FOCAD: variants seen among roughly 807,000 people sequenced by gnomAD.
FOCAD encodes KIAA1797.
A neutral mutation model predicts 225.6 loss-of-function variants in FOCAD; 198 were observed. The ratio of observed to expected loss-of-function variants is 0.88; its 90% CI spans 0.78 to 0.99. The LOEUF (loss-of-function observed/expected upper bound fraction) is 0.99, where lower values mean the gene tolerates loss of function less well. Ranked by LOEUF, FOCAD falls within the 50% of genes least tolerant of loss-of-function variation. The pLI is 0.00. For synonymous variants in FOCAD, 897 were observed against 755.0 expected, an observed-to-expected ratio of 1.19 and a Z score of -3.08; for missense variants, 2,713 against 2,123.6, an observed-to-expected ratio of 1.28 and a Z score of -5.46.
At chr9:20,888,173 C>G (rs1319250567) in intron 21 of FOCAD, among the ~76,000 whole-genome samples, 2 of 93,496 alleles carry the variant, frequency 2.1e-5, no homozygotes, top group African/African-American at 8.9e-5. Context: ...GAGTCTTGCT[C>G]TGTTGCCCAG....
chr9:20,940,680 C>T lies in FOCAD; in HGVS notation c.3408-3947C>T, dbSNP rs191840537. Among the ~76,000 whole-genome samples the T allele has an allele frequency of 3.3e-5, 5 of 152,284 alleles. No homozygotes were observed. The East Asian group carries it at 9.7e-4, about 29-fold the overall frequency. On this transcript the variant is annotated intron_variant, in intron 28 of 43. Coordinates refer to ENST00000338382, the MANE Select transcript of FOCAD (RefSeq NM_001375567.1). ...ACATCTGTTTCTCATGGAGTTACAT[C>T]CATGTCACAACCTAAACATGATACT...
chr9:20,879,372 A>C (rs1830486646), intron 19 of FOCAD, among the ~76,000 whole-genome samples: 1 of 152,164 alleles, frequency 6.6e-6, no homozygotes, highest in South Asian at 2.1e-4. Context: ...AGATGTTAGG[A>C]AGTTTAGACT....
intron 4 of FOCAD, among the ~76,000 whole-genome samples, chr9:20,738,577 G>T (rs920741477): frequency 6.6e-6 from 1 of 152,210 alleles, no homozygotes; most frequent in African/African-American, 2.4e-5. Flanking sequence ...TGTCATGAAA[G>T]ATTCATCCAT....
intron 1 of FOCAD, among the ~76,000 whole-genome samples, chr9:20,695,077 G>T (rs1169816484): frequency 6.6e-6 from 1 of 152,160 alleles, no homozygotes; most frequent in African/African-American, 2.4e-5. Flanking sequence ...CCAGATTCTG[G>T]ACTTGATCTA....
At chr9:20,961,436 T>A (rs965239819) in intron 35 of FOCAD, among the ~76,000 whole-genome samples, 1 of 152,110 alleles carries the variant, frequency 6.6e-6, no homozygotes, top group East Asian at 1.9e-4. Flanking sequence ...TTTTGTACTA[T>A]CCCCAGCCCT....
In FOCAD at chr9:20,993,322, T is replaced by A. The variant is rs1328446727; in HGVS notation, c.5326T>A (p.Leu1776Met). Residue 1776 changes from leucine (L) to methionine (M), a missense_variant, in exon 43 of 44, where the codon TTG becomes ATG. Physicochemically the swap from Leu to Met is conservative, Grantham distance 15. Transcript: ENST00000338382. ...EALSAQSRDL[L>M]KATLLSLRVL... ...CCTCTCAGCACAGTCCAGGGATCTT[T>A]TGAAAGGTATTACTTCCATGTTTTA... The A allele has an allele frequency of 6.2e-7, 1 of 1,612,866 alleles. No homozygotes were observed. The highest frequency in any genetic ancestry group is 1.3e-5 in the African/African-American group (1 of 75,012).
At chr9:20,743,213 A>G (rs971210132) in intron 5 of FOCAD, among the ~76,000 whole-genome samples, 2 of 152,214 alleles carry the variant, frequency 1.3e-5, no homozygotes, top group Non-Finnish European at 2.9e-5. Flanking sequence ...CATAAAAGGG[A>G]TATGAGAAAC....
intron 2 of FOCAD, among the ~76,000 whole-genome samples, chr9:20,667,735 C>A (rs1181186231): frequency 6.6e-6 from 1 of 152,100 alleles, no homozygotes; most frequent in Non-Finnish European, 1.5e-5. Flanking sequence ...CATGGTCAGT[C>A]TGTGGTGAGA....
At chr9:20,678,617 A>G (rs1335514787) in intron 2 of FOCAD, among the ~76,000 whole-genome samples, 1 of 152,230 alleles carries the variant, frequency 6.6e-6, no homozygotes, top group Admixed American at 6.5e-5. Flanking sequence ...TAACTGCAGC[A>G]CAGGCTTCCC....
At chr9:20,792,553 G>A (rs1490425892) in intron 11 of FOCAD, among the ~76,000 whole-genome samples, 4 of 152,168 alleles carry the variant, frequency 2.6e-5, no homozygotes, top group Non-Finnish European at 4.4e-5. Flanking sequence ...TCTCTTGTTT[G>A]GAAGTGGCAG....
chr9:20,857,693 C>G (rs1481188033), intron 15 of FOCAD, among the ~76,000 whole-genome samples: 1 of 150,840 alleles, frequency 6.6e-6, no homozygotes, highest in African/African-American at 2.4e-5. Context: ...TCAGTTTTCC[C>G]CATTCAGTAT....
chr9:20,923,713 T>A lies in FOCAD; in HGVS notation c.2906T>A (p.Val969Asp). 6.2e-7 allele frequency: 1 copy of A among 1,614,120 alleles called. No homozygotes were observed. ...CTGTTAGCTCTAAGCAGCCTTGCTGTCGTCGTATCTAGACATGAAGCCAGC... is the reference window on the plus strand; with the variant it reads ...CTGTTAGCTCTAAGCAGCCTTGCTGACGTCGTATCTAGACATGAAGCCAGC... Reference protein sequence around the residue: ...NALLALSSLAVVVSRHEASLS... With the variant: ...NALLALSSLADVVSRHEASLS... The change falls in exon 25 of 44, where the codon GTC becomes GAC. Residue 969 changes from valine to aspartate, a missense_variant. Val to Asp is a radical substitution (Grantham distance 152, BLOSUM62 -3). Transcript: ENST00000338382.
chr9:20,749,339 C>T (rs1473293406), intron 5 of FOCAD, among the ~76,000 whole-genome samples: 1 of 152,084 alleles, frequency 6.6e-6, no homozygotes, highest in African/African-American at 2.4e-5. Flanking sequence ...TGCTCGAAGT[C>T]TTTCTAGGAG....
At chr9:20,879,665 A>G (rs1830509250) in intron 19 of FOCAD, among the ~76,000 whole-genome samples, 1 of 152,162 alleles carries the variant, frequency 6.6e-6, no homozygotes, top group Non-Finnish European at 1.5e-5. Flanking sequence ...CCATCTGGTC[A>G]TTGGTAAGAA....
At chr9:20,767,269 A>G (rs200961314) in intron 7 of FOCAD, among the ~76,000 whole-genome samples, 4 of 150,876 alleles carry the variant, frequency 2.7e-5, no homozygotes, top group East Asian at 3.9e-4. Context: ...ATTGTGAATA[A>G]TGCCGCAATA....
intron 26 of FOCAD, among the ~76,000 whole-genome samples, chr9:20,927,089 A>G (rs1835027274): frequency 6.6e-6 from 1 of 151,974 alleles, no homozygotes; most frequent in Non-Finnish European, 1.5e-5. Context: ...GCTCATGGAT[A>G]AACTCCGGGC....
chr9:20,978,162 G>T (rs1419860791), intron 36 of FOCAD, among the ~76,000 whole-genome samples, 177 bp from the exon 37 acceptor site: 1 of 152,126 alleles, frequency 6.6e-6, no homozygotes, highest in Non-Finnish European at 1.5e-5. Context: ...TGATGCCATT[G>T]GACATGTTAT....
chr9:20,881,348 AG>A (rs541388018), intron 19 of FOCAD, among the ~76,000 whole-genome samples: 69 of 152,306 alleles, frequency 4.5e-4, no homozygotes, highest in South Asian at 1.7e-3. Flanking sequence ...AGGGGGAGTC[AG>A]GGCTAGATTA....
At chr9:20,692,914 T>A (rs1823059593) in intron 1 of FOCAD, among the ~76,000 whole-genome samples, 1 of 152,178 alleles carries the variant, frequency 6.6e-6, no homozygotes, top group Non-Finnish European at 1.5e-5. Context: ...ATACAGAGAT[T>A]GGGAGCAATT....
Sources: allele counts gnomAD v4.1 joint callset (sites outside exome capture counted in the v4.1 genomes callset), GRCh38; gene constraint gnomAD v4.1.1; transcripts MANE v1.5; gene names NCBI Gene and HGNC (gene_info 2026-07-23, HGNC 2026-07-21).